The following MARCHF1 variants were observed in gnomAD, a reference collection of about 807,000 sequenced individuals.
The protein encoded by MARCHF1 is membrane associated ring-CH-type finger 1.
In MARCHF1, 40 loss-of-function variants were observed where a neutral mutation model predicts 54.2. The observed-to-expected ratio is 0.74, with a 90% CI of 0.57 to 0.96. The LOEUF (loss-of-function observed/expected upper bound fraction) is 0.96. MARCHF1 is among the 40% of genes least tolerant of loss of function. The pLI is 0.00. For synonymous variants in MARCHF1, 236 were observed against 236.3 expected (o/e 1.00, Z 0.01); for missense variants, 586 against 656.5 (o/e 0.89, Z 1.17).
At chr4:164,369,689 T>C (rs1730980474) in intron 1 of MARCHF1, among the ~76,000 whole-genome samples, 1 of 152,314 alleles carries the variant, frequency 6.6e-6, no homozygotes, top group Non-Finnish European at 1.5e-5. Flanking sequence ...CGTTCTATAA[T>C]GTACTTATGT....
At chr4:164,360,636 C>T (rs1362441718) in intron 1 of MARCHF1, among the ~76,000 whole-genome samples, 1 of 152,024 alleles carries the variant, frequency 6.6e-6, no homozygotes, top group Non-Finnish European at 1.5e-5. Flanking sequence ...GATGGGGCTC[C>T]AAATTTTCAT....
intron 9 of MARCHF1, among the ~76,000 whole-genome samples, chr4:163,538,345 A>G (rs80045486): frequency 0.017 from 2,528 of 151,942 alleles, 63 homozygotes; most frequent in African/African-American, 0.057. Context: ...TTTTTCACAC[A>G]CACACACAAA....
At chr4:164,283,500 G>A (rs1438888207) in intron 1 of MARCHF1, among the ~76,000 whole-genome samples, 1 of 150,972 alleles carries the variant, frequency 6.6e-6, no homozygotes, top group Non-Finnish European at 1.5e-5. Context: ...CTAACAAATA[G>A]AACACCGGAA....
At chr4:163,834,444 T>C (rs867621271) in intron 4 of MARCHF1, among the ~76,000 whole-genome samples, 1 of 152,186 alleles carries the variant, frequency 6.6e-6, no homozygotes, top group South Asian at 2.1e-4. Context: ...ACATATTGGA[T>C]CTTTTTTAAA....
chr4:163,920,891 C>T (rs944412475), intron 3 of MARCHF1, among the ~76,000 whole-genome samples: 4 of 152,066 alleles, frequency 2.6e-5, no homozygotes, highest in Non-Finnish European at 5.9e-5. Flanking sequence ...AATGTAAGAA[C>T]ATCTTACAAA....
chr4:163,758,388 A>G (rs1164498859), intron 4 of MARCHF1, among the ~76,000 whole-genome samples: 1 of 152,204 alleles, frequency 6.6e-6, no homozygotes, highest in East Asian at 1.9e-4. Flanking sequence ...CACATCCCAG[A>G]TCCAGTTCAA....
intron 1 of MARCHF1, among the ~76,000 whole-genome samples, chr4:164,213,672 A>C (rs1431769535): frequency 1.3e-5 from 2 of 152,148 alleles, no homozygotes; most frequent in Admixed American, 1.3e-4. Context: ...GAATTTAACA[A>C]ATTTAAAATG....
intron 9 of MARCHF1, among the ~76,000 whole-genome samples, chr4:163,529,518 G>A (rs928610009): frequency 5.3e-5 from 8 of 151,990 alleles, no homozygotes; most frequent in Admixed American, 2.0e-4. Flanking sequence ...AATGTAAAAG[G>A]AAAGGAAGGA....
intron 4 of MARCHF1, among the ~76,000 whole-genome samples, chr4:163,736,736 G>T (rs996402983): frequency 7.2e-5 from 11 of 152,072 alleles, no homozygotes; most frequent in Admixed American, 7.2e-4. Flanking sequence ...ATTGTATCAC[G>T]TCTAAGAAAT....
chr4:163,660,401 C>T (rs1297845119), intron 5 of MARCHF1, among the ~76,000 whole-genome samples: 5 of 151,606 alleles, frequency 3.3e-5, no homozygotes, highest in Non-Finnish European at 7.4e-5. Flanking sequence ...CGGGGCCTGT[C>T]GGTGGGTGGG....
At chr4:164,000,970 G>A (rs1394732131) in intron 2 of MARCHF1, among the ~76,000 whole-genome samples, 1 of 151,532 alleles carries the variant, frequency 6.6e-6, no homozygotes, top group Non-Finnish European at 1.5e-5. Context: ...AATTATCCAA[G>A]GATCATTTTG....
intron 3 of MARCHF1, among the ~76,000 whole-genome samples, chr4:163,972,198 G>A (rs746122093): frequency 6.6e-6 from 1 of 152,086 alleles, no homozygotes; most frequent in Non-Finnish European, 1.5e-5. Context: ...GAGCCTATCA[G>A]GGGGTGGGGA....
chr4:164,125,677 T>C (rs886312397), intron 1 of MARCHF1, among the ~76,000 whole-genome samples: 15 of 152,290 alleles, frequency 9.8e-5, no homozygotes, highest in African/African-American at 3.4e-4. Context: ...ACCCCTCAGC[T>C]GTGGACCAGT....
intron 3 of MARCHF1, among the ~76,000 whole-genome samples, chr4:163,893,948 T>C (rs1053935463): frequency 6.6e-5 from 10 of 152,090 alleles, no homozygotes; most frequent in African/African-American, 1.7e-4. Context: ...TACTCAAAAT[T>C]TGATCACTGG....
At chr4:164,077,159 A>C (rs1238460704) in intron 2 of MARCHF1, among the ~76,000 whole-genome samples, 3 of 152,178 alleles carry the variant, frequency 2.0e-5, no homozygotes, top group Admixed American at 6.5e-5. Flanking sequence ...CCCAAACAAC[A>C]TGGCACTGGT....
rs4056342 is a variant in MARCHF1, at chr4:163,965,236, C to G, written c.-39+23265G>C. ...TGGAAAGAGTTTCAAAATATGGAGA[C>G]TCTAAGGACTCCATTCAAACGTGGG... On this transcript the variant is annotated intron_variant, in intron 3 of 9. Transcript: ENST00000514618. Among the ~76,000 whole-genome samples the G allele has an allele frequency of 3.2e-4, 49 of 151,994 alleles. 1 individual carries two copies. The East Asian group carries it at 9.3e-3, about 29-fold the overall frequency.
intron 1 of MARCHF1, among the ~76,000 whole-genome samples, chr4:164,343,134 T>C (rs1163125583): frequency 6.6e-6 from 1 of 152,202 alleles, no homozygotes; most frequent in African/African-American, 2.4e-5. Context: ...CTCTTATGTA[T>C]TCTCAGTACA....
intron 4 of MARCHF1, among the ~76,000 whole-genome samples, chr4:163,729,034 A>G (rs1745751324): frequency 6.6e-6 from 1 of 151,688 alleles, no homozygotes; most frequent in African/African-American, 2.4e-5. Flanking sequence ...ATGTGATCAT[A>G]TAATTTATAT....
chr4:164,112,339 T>C (rs896398361), intron 1 of MARCHF1, among the ~76,000 whole-genome samples: 6 of 151,930 alleles, frequency 3.9e-5, no homozygotes, highest in Non-Finnish European at 5.9e-5. Context: ...CAATACTAAA[T>C]TGCCTTTGTT....
Sources: gnomAD v4.1 joint callset for allele counts (sites outside exome capture counted in the v4.1 genomes callset) on GRCh38, gnomAD v4.1.1 for gene constraint, MANE v1.5 for transcripts, NCBI Gene and HGNC (gene_info 2026-07-23, HGNC 2026-07-21) for gene names.